PKIB: variants seen among roughly 807,000 people sequenced by gnomAD.
The protein encoded by PKIB is PKI-beta.
In PKIB, 2 loss-of-function variants were observed where a neutral mutation model predicts 4.5. The ratio of observed to expected loss-of-function variants is 0.44; its 90% CI spans 0.18 to 1.39. PKIB has a LOEUF of 1.39. Ranked by LOEUF, PKIB falls within the 40% of genes most tolerant of loss-of-function variation. The probability of loss-of-function intolerance (pLI) is 0.27; values close to 1 mark genes in which losing one functional copy is unlikely to be tolerated. For synonymous variants in PKIB, 38 were observed against 36.0 expected (o/e 1.06, Z -0.20); for missense variants, 94 against 92.6 (o/e 1.02, Z -0.06).
At chr6:122,587,176 G>A (rs543460064) in intron 3 of PKIB, among the ~76,000 whole-genome samples, 17 of 151,752 alleles carry the variant, frequency 1.1e-4, no homozygotes, top group South Asian at 4.2e-4. Context: ...TCCCTCCCCC[G>A]TCCTCCCACT....
intron 3 of PKIB, chr6:122,701,291 C>A: frequency 3.2e-6 from 2 of 626,808 alleles, no homozygotes; most frequent in South Asian, 2.0e-5. Context: ...ATAGGTGTAC[C>A]ATTACAAGCA....
intron 3 of PKIB, among the ~76,000 whole-genome samples, chr6:122,711,788 T>A (rs1779282523): frequency 6.6e-6 from 1 of 152,196 alleles, no homozygotes; most frequent in Non-Finnish European, 1.5e-5. Context: ...TGGAAAATTA[T>A]GAAAAAATTA....
chr6:122,552,900 G>C (rs889371524), intron 2 of PKIB, among the ~76,000 whole-genome samples: 4 of 152,096 alleles, frequency 2.6e-5, no homozygotes, highest in Admixed American at 2.6e-4. Flanking sequence ...GACAGAAATA[G>C]GTTCATCTTT....
At chr6:122,708,218 G>A (rs541389286) in intron 3 of PKIB, among the ~76,000 whole-genome samples, 1 of 152,274 alleles carries the variant, frequency 6.6e-6, no homozygotes, top group East Asian at 1.9e-4. Flanking sequence ...AAGCTGGAGG[G>A]ATGAGATGCA....
intron 3 of PKIB, among the ~76,000 whole-genome samples, chr6:122,693,620 C>T (rs527590685): frequency 1.3e-5 from 2 of 152,312 alleles, no homozygotes; most frequent in Non-Finnish European, 2.9e-5. Context: ...AGTTTGATAA[C>T]ATACACTTTC....
At chr6:122,717,602 C>A in intron 3 of PKIB, 185 bp from the exon 4 acceptor site, 1 of 596,026 alleles carries the variant, frequency 1.7e-6, no homozygotes, top group Non-Finnish European at 2.9e-6. Flanking sequence ...GGGCTTCCTG[C>A]TCTATTCAGC....
chr6:122,645,420 G>A (rs1776272078), intron 2 of PKIB, among the ~76,000 whole-genome samples: 1 of 152,314 alleles, frequency 6.6e-6, no homozygotes. Flanking sequence ...TGATTATCTG[G>A]AGAGAATAAT....
chr6:122,692,106 T>C (rs1407750850), intron 3 of PKIB, among the ~76,000 whole-genome samples: 1 of 152,246 alleles, frequency 6.6e-6, no homozygotes, highest in Admixed American at 6.5e-5. Flanking sequence ...AGCACCCCTG[T>C]GACCACCAGT....
chr6:122,538,538 ATC>A (rs2114630935), intron 2 of PKIB, among the ~76,000 whole-genome samples: 1 of 152,122 alleles, frequency 6.6e-6, no homozygotes, highest in South Asian at 2.1e-4. Flanking sequence ...ATTGATCTAT[ATC>A]TCTGTTTTGG....
At chr6:122,575,456 A>C (rs1773500134) in intron 2 of PKIB, among the ~76,000 whole-genome samples, 1 of 152,178 alleles carries the variant, frequency 6.6e-6, no homozygotes, top group African/African-American at 2.4e-5. Flanking sequence ...TGAAAAAAAA[A>C]ACATGCACAC....
intron 4 of PKIB, among the ~76,000 whole-genome samples, 184 bp downstream of exon 4, chr6:122,718,147 C>CT (rs1193764395): frequency 2.6e-5 from 4 of 152,230 alleles, no homozygotes; most frequent in South Asian, 4.2e-4. Flanking sequence ...AATATTTCAT[C>CT]TTTTTTCTTA....
chr6:122,488,294 T>C (rs765495122), intron 2 of PKIB, among the ~76,000 whole-genome samples: 3 of 152,134 alleles, frequency 2.0e-5, no homozygotes, highest in Non-Finnish European at 2.9e-5. Flanking sequence ...GTTTATTTAA[T>C]GAGTTTATAG....
intron 4 of PKIB, 109 bp from the exon 5 acceptor site, chr6:122,725,019 G>A (rs1779900038): frequency 3.7e-6 from 3 of 807,422 alleles, no homozygotes; most frequent in Non-Finnish European, 5.9e-6. Context: ...TATCTGAATT[G>A]AGGGCAAAAT....
At chr6:122,722,025 A>G (rs1302465487) in intron 4 of PKIB, among the ~76,000 whole-genome samples, 1 of 152,206 alleles carries the variant, frequency 6.6e-6, no homozygotes, top group African/African-American at 2.4e-5. Context: ...CAGAGAAATT[A>G]TGTTGGAAGA....
chr6:122,553,142 T>C (rs1006512015), intron 2 of PKIB, among the ~76,000 whole-genome samples: 10 of 152,268 alleles, frequency 6.6e-5, no homozygotes, highest in Non-Finnish European at 1.3e-4. Context: ...CGCAAGGTAA[T>C]AGCATGGTCT....
At chr6:122,685,956 A>G (rs1334227345) in intron 3 of PKIB, among the ~76,000 whole-genome samples, 2 of 152,130 alleles carry the variant, frequency 1.3e-5, no homozygotes, top group African/African-American at 4.8e-5. Flanking sequence ...ATGTCTTCCA[A>G]TTCCATCCAT....
At chr6:122,635,654 T>C (rs1266867619) in intron 2 of PKIB, among the ~76,000 whole-genome samples, 1 of 151,790 alleles carries the variant, frequency 6.6e-6, no homozygotes, top group Non-Finnish European at 1.5e-5. Flanking sequence ...ATACAACACA[T>C]GGTGTTTATT....
chr6:122,603,018 TA>T (rs1162950512), intron 3 of PKIB, among the ~76,000 whole-genome samples: 4 of 151,640 alleles, frequency 2.6e-5, no homozygotes, highest in African/African-American at 9.7e-5. Context: ...AGCAAATTTT[TA>T]AAAGAGGCTA....
rs1385452758 is a variant in PKIB at position 122,645,662 on chromosome 6, A to G, written c.-76+12295A>G. Among the ~76,000 whole-genome samples, 3 of 152,342 alleles carry G rather than the reference A, an allele frequency of 2.0e-5. No individual in the cohort carries two copies. In the East Asian group the frequency reaches 5.8e-4, roughly 29 times the overall value. On this transcript the variant is annotated intron_variant, in intron 2 of 4. Coordinates refer to ENST00000368452, the MANE Select transcript of PKIB (RefSeq NM_181795.3). The stretch of plus-strand genomic sequence containing the variant: ...CCCTGGGAAACCTGGATAGACCAGC[A>G]CAGAGGCCAATCTTGGAGGGAGTAG...
Sources: allele counts gnomAD v4.1 joint callset (sites outside exome capture counted in the v4.1 genomes callset), GRCh38; gene constraint gnomAD v4.1.1; transcripts MANE v1.5; gene names NCBI Gene and HGNC (gene_info 2026-07-23, HGNC 2026-07-21).